TMA16: variants seen among roughly 807,000 people sequenced by gnomAD.
TMA16 encodes the protein translation machinery associated 16 homolog.
In TMA16, 26 loss-of-function variants were observed where a neutral mutation model predicts 27.1. The ratio of observed to expected loss-of-function variants is 0.96; its 90% CI spans 0.70 to 1.33. TMA16 has a LOEUF of 1.33. Among genes scored for constraint, TMA16 ranks in the 40% most tolerant of loss-of-function variants. TMA16 has a pLI of 0.00. For synonymous variants in TMA16, 71 were observed against 81.9 expected (o/e 0.87, Z 0.72); for missense variants, 233 against 241.4 (o/e 0.97, Z 0.23).
At chr4:163,512,727 G>C (rs1233658809) in intron 2 of TMA16, 95 bp from the exon 3 acceptor site, 1 of 825,354 alleles carries the variant, frequency 1.2e-6, no homozygotes, top group East Asian at 2.6e-5. Flanking sequence ...TTTAATTAGA[G>C]TTCTTTAGGC....
At chr4:163,509,084 A>G (rs1247341621) in intron 2 of TMA16, among the ~76,000 whole-genome samples, 2 of 152,198 alleles carry the variant, frequency 1.3e-5, no homozygotes, top group Admixed American at 1.3e-4. Flanking sequence ...CTCTAGAACC[A>G]AATATACAAT....
chr4:163,499,181 A>G (rs1737609292), intron 1 of TMA16, among the ~76,000 whole-genome samples: 1 of 152,136 alleles, frequency 6.6e-6, no homozygotes, highest in South Asian at 2.1e-4. Context: ...TGATTTGTAT[A>G]TATCTTTTGC....
chr4:163,508,545 G>A (rs1737748704), intron 2 of TMA16, among the ~76,000 whole-genome samples: 1 of 152,184 alleles, frequency 6.6e-6, no homozygotes, highest in South Asian at 2.1e-4. Flanking sequence ...TTGGTGAAAA[G>A]ATCTGGTGAA....
chr4:163,511,810 G>A (rs1737804284), intron 2 of TMA16, among the ~76,000 whole-genome samples: 1 of 152,120 alleles, frequency 6.6e-6, no homozygotes, highest in South Asian at 2.1e-4. Flanking sequence ...GAGCTACACA[G>A]TGAGGCCCTG....
chr4:163,500,850 A>C (rs907596092), intron 1 of TMA16, among the ~76,000 whole-genome samples: 1 of 152,226 alleles, frequency 6.6e-6, no homozygotes, highest in Non-Finnish European at 1.5e-5. Context: ...GAGAAGGATA[A>C]ACATGAATTT....
At chr4:163,507,396 A>T (rs1309338993) in intron 2 of TMA16, among the ~76,000 whole-genome samples, 2 of 152,122 alleles carry the variant, frequency 1.3e-5, no homozygotes, top group Admixed American at 1.3e-4. Flanking sequence ...ATGGACAGTG[A>T]GGGAGAAGTT....
chr4:163,501,195 A>G (rs576500220), intron 1 of TMA16, among the ~76,000 whole-genome samples: 1 of 152,226 alleles, frequency 6.6e-6, no homozygotes, highest in South Asian at 2.1e-4. Flanking sequence ...TCTTTGTTTC[A>G]TTATGATCCC....
chr4:163,515,451 A>C lies in TMA16; in HGVS notation c.378A>C (p.Gly126=). The change falls in exon 5 of 7, where the codon GGA becomes GGC. Residue 126 remains glycine (G), a synonymous_variant. Coordinates refer to ENST00000358572, the MANE Select transcript of TMA16 (RefSeq NM_018352.3). ...AGCGGGAGCGACAGCAGTTTGAGGG[A>C]TATGGCCTTGGTGTGCTCACTGATT... ...TMERERQQFE[G]YGLEIPDILN... is the part of the protein sequence containing the mutation. 3 of 1,613,598 alleles carry C rather than the reference A, an allele frequency of 1.9e-6. No individual in the cohort carries two copies. The highest frequency in any genetic ancestry group is 2.5e-6 in the Non-Finnish European group (3 of 1,179,872).
At chr4:163,509,382 C>T (rs1231521487) in intron 2 of TMA16, among the ~76,000 whole-genome samples, 1 of 152,178 alleles carries the variant, frequency 6.6e-6, no homozygotes, top group Non-Finnish European at 1.5e-5. Context: ...AAATGAATAG[C>T]AGTTACCAGA....
chr4:163,495,475 C>T (rs1461689507), intron 1 of TMA16, among the ~76,000 whole-genome samples: 1 of 152,150 alleles, frequency 6.6e-6, no homozygotes, highest in Non-Finnish European at 1.5e-5. Context: ...AAGAAGCAAA[C>T]ATTATCTAAG....
At chr4:163,504,422 T>C (rs887755721) in intron 1 of TMA16, among the ~76,000 whole-genome samples, 4 of 152,174 alleles carry the variant, frequency 2.6e-5, no homozygotes, top group African/African-American at 9.7e-5. Context: ...TCCCTCAAGG[T>C]TTCTCACAAG....
intron 6 of TMA16, among the ~76,000 whole-genome samples, chr4:163,518,430 T>C (rs908801787): frequency 3.3e-5 from 5 of 152,168 alleles, no homozygotes; most frequent in African/African-American, 1.2e-4. Flanking sequence ...AGGGAATAAA[T>C]AGACAACCTA....
intron 3 of TMA16, 116 bp downstream of exon 3, chr4:163,512,975 C>A: frequency 1.4e-6 from 1 of 698,586 alleles, no homozygotes; most frequent in Non-Finnish European, 2.3e-6. Context: ...TGAATTTGAT[C>A]AGACTTGATC....
At chr4:163,511,982 A>AT (rs1737806543) in intron 2 of TMA16, among the ~76,000 whole-genome samples, 1 of 149,678 alleles carries the variant, frequency 6.7e-6, no homozygotes, top group African/African-American at 2.5e-5. Context: ...TATGGCTAAG[A>AT]TTTTTCTTTT....
At chr4:163,516,381 A>G (rs1026318805) in intron 5 of TMA16, among the ~76,000 whole-genome samples, 10 of 152,198 alleles carry the variant, frequency 6.6e-5, no homozygotes, top group African/African-American at 2.2e-4. Context: ...TGGTGTAACT[A>G]TTTCTGATTC....
At chr4:163,505,065 T>G (rs1232890893) in intron 1 of TMA16, among the ~76,000 whole-genome samples, 2 of 152,166 alleles carry the variant, frequency 1.3e-5, no homozygotes, top group Admixed American at 1.3e-4. Context: ...CTAAATGCTC[T>G]TCATTAAAAG....
intron 1 of TMA16, among the ~76,000 whole-genome samples, chr4:163,499,549 A>G (rs995204185): frequency 1.3e-5 from 2 of 152,098 alleles, no homozygotes; most frequent in African/African-American, 4.8e-5. Context: ...ATCGAGGGAT[A>G]TTAGTTGAGG....
At chr4:163,512,769 T>G (rs1279749042) in intron 2 of TMA16, 53 bp from the exon 3 acceptor site, 42 of 1,452,736 alleles carry the variant, frequency 2.9e-5, no homozygotes, top group Admixed American at 1.3e-4. Context: ...TGTCAGAGTT[T>G]TAAAACTTGC....
In TMA16 at chr4:163,507,026, A is replaced by C. The variant is rs773163703; in HGVS notation, c.4-7A>C. ...CTATATGTGTCATGTGTTTTCATAC[A>C]TTTTAGCCCAAAGCACCAAAGGGAA... On this transcript the variant is annotated splice_region_variant and splice_polypyrimidine_tract_variant and intron_variant, in intron 1 of 6. Coordinates refer to ENST00000358572, the MANE Select transcript of TMA16 (RefSeq NM_018352.3). The C allele has an allele frequency of 7.0e-6, 11 of 1,576,056 alleles. No homozygotes were observed. The highest frequency in any genetic ancestry group is 8.6e-6 in the Non-Finnish European group (10 of 1,160,662).
Sources: gnomAD v4.1 joint callset for allele counts (sites outside exome capture counted in the v4.1 genomes callset) on GRCh38, gnomAD v4.1.1 for gene constraint, MANE v1.5 for transcripts, NCBI Gene and HGNC (gene_info 2026-07-23, HGNC 2026-07-21) for gene names.